Variants in SGCZ observed in about 807,000 individuals in gnomAD.
SGCZ encodes sarcoglycan zeta.
A neutral mutation model predicts 41.3 loss-of-function variants in SGCZ; 40 were observed. The observed-to-expected ratio is 0.97, with a 90% CI of 0.75 to 1.26. The LOEUF (loss-of-function observed/expected upper bound fraction) is 1.26, where lower values mean the gene tolerates loss of function less well. Among genes scored for constraint, SGCZ ranks in the 50% most tolerant of loss-of-function variants. SGCZ has a pLI of 0.00. For synonymous variants in SGCZ, 206 were observed against 137.5 expected (o/e 1.50, Z -3.49); for missense variants, 552 against 369.8 (o/e 1.49, Z -4.04).
chr8:14,325,743 CACACATATATATATATATATATAT>C (rs1444297121), intron 2 of SGCZ, among the ~76,000 whole-genome samples: 4 of 66,882 alleles, frequency 6.0e-5, no homozygotes, highest in African/African-American at 1.4e-4. Flanking sequence ...CACACACACA[CACACATATATATATATATATATAT>C]ATATATATAT....
intron 2 of SGCZ, among the ~76,000 whole-genome samples, chr8:14,530,119 G>A (rs535536965): frequency 2.0e-5 from 3 of 151,836 alleles, no homozygotes; most frequent in African/African-American, 7.2e-5. Flanking sequence ...ACAAAACCAT[G>A]CATTTGCGTA....
intron 3 of SGCZ, among the ~76,000 whole-genome samples, chr8:14,295,613 G>C (rs1041502477): frequency 3.3e-5 from 5 of 152,058 alleles, no homozygotes; most frequent in Non-Finnish European, 7.3e-5. Flanking sequence ...CTATAACTGA[G>C]GGTAATATAC....
intron 1 of SGCZ, among the ~76,000 whole-genome samples, chr8:15,029,485 A>G (rs927703531): frequency 3.9e-5 from 6 of 152,146 alleles, no homozygotes; most frequent in African/African-American, 1.2e-4. Flanking sequence ...ATCAGATCAA[A>G]GAAAGTTAGT....
intron 1 of SGCZ, among the ~76,000 whole-genome samples, chr8:15,062,350 T>C (rs951806372): frequency 6.6e-6 from 1 of 152,174 alleles, no homozygotes; most frequent in African/African-American, 2.4e-5. Flanking sequence ...TAATATCATA[T>C]ACTTTTTAAA....
intron 5 of SGCZ, among the ~76,000 whole-genome samples, chr8:14,147,148 T>C (rs1355410434): frequency 1.3e-5 from 2 of 151,810 alleles, no homozygotes; most frequent in Non-Finnish European, 2.9e-5. Context: ...AGAAACGAAG[T>C]CATATCACTG....
chr8:14,463,758 C>G (rs1475274109), intron 2 of SGCZ, among the ~76,000 whole-genome samples: 1 of 151,566 alleles, frequency 6.6e-6, no homozygotes, highest in Non-Finnish European at 1.5e-5. Flanking sequence ...TGCTGTTTTT[C>G]TAGACAGCTT....
intron 3 of SGCZ, among the ~76,000 whole-genome samples, chr8:14,312,978 C>CT (rs1361796152): frequency 2.6e-5 from 4 of 152,132 alleles, no homozygotes; most frequent in African/African-American, 9.7e-5. Context: ...ATTCCTTTCA[C>CT]TATTGTAGGA....
At chr8:14,857,748 C>G (rs1266260873) in intron 1 of SGCZ, among the ~76,000 whole-genome samples, 1 of 152,106 alleles carries the variant, frequency 6.6e-6, no homozygotes, top group Non-Finnish European at 1.5e-5. Context: ...TGCCTGTAAT[C>G]CCACCTACTT....
At chr8:14,196,296 T>C (rs1344353568) in intron 4 of SGCZ, among the ~76,000 whole-genome samples, 3 of 151,330 alleles carry the variant, frequency 2.0e-5, no homozygotes, top group Non-Finnish European at 2.9e-5. Context: ...GGAGTTTCGC[T>C]CTTGTTGCCC....
intron 1 of SGCZ, among the ~76,000 whole-genome samples, chr8:14,861,739 A>G (rs1803754198): frequency 1.3e-5 from 2 of 151,936 alleles, no homozygotes; most frequent in South Asian, 2.1e-4. Flanking sequence ...CCCACAAATT[A>G]TGTTCTTTAG....
In SGCZ at chr8:14,438,636, G is replaced by C. The variant is rs933904152; in HGVS notation, c.235-114432C>G. ...AATGGAAATTACTGTTGAATAATTTGGATAAATTTTGTATTAAAATGTAAA... is the reference window on the plus strand; with the variant it reads ...AATGGAAATTACTGTTGAATAATTTCGATAAATTTTGTATTAAAATGTAAA... On this transcript the variant is annotated intron_variant, in intron 2 of 7. Transcript: ENST00000382080. 4.6e-5 allele frequency among the ~76,000 whole-genome samples: 7 copies of C among 151,930 alleles called. 1 individual carries two copies. Among genetic ancestry groups the C allele is most frequent in the Admixed American group, 4.6e-4 (7 of 15,256 alleles).
At chr8:15,149,443 A>C (rs1384353638) in intron 1 of SGCZ, among the ~76,000 whole-genome samples, 1 of 152,140 alleles carries the variant, frequency 6.6e-6, no homozygotes, top group Non-Finnish European at 1.5e-5. Flanking sequence ...AGCAGTGGCA[A>C]GTTACTTGAA....
chr8:14,975,750 T>C (rs1157206592), intron 1 of SGCZ, among the ~76,000 whole-genome samples: 1 of 150,676 alleles, frequency 6.6e-6, no homozygotes, highest in Admixed American at 6.7e-5. Flanking sequence ...TTTTACCTTA[T>C]TGACAATATA....
chr8:14,774,676 G>A (rs1324603635), intron 1 of SGCZ, among the ~76,000 whole-genome samples: 1 of 152,168 alleles, frequency 6.6e-6, no homozygotes, highest in Non-Finnish European at 1.5e-5. Flanking sequence ...CCCTAGCTTT[G>A]ACTTTGCTCA....
intron 1 of SGCZ, among the ~76,000 whole-genome samples, chr8:15,059,502 T>C (rs1472297706): frequency 6.6e-6 from 1 of 152,208 alleles, no homozygotes; most frequent in Non-Finnish European, 1.5e-5. Context: ...CAATTAAAAA[T>C]TGCTTTAGAA....
chr8:15,124,014 C>A (rs1807584810), intron 1 of SGCZ, among the ~76,000 whole-genome samples: 1 of 152,108 alleles, frequency 6.6e-6, no homozygotes, highest in African/African-American at 2.4e-5. Flanking sequence ...GGCCTGGCAG[C>A]CTTGCTAGTA....
chr8:14,942,508 T>G (rs1009723394), intron 1 of SGCZ, among the ~76,000 whole-genome samples: 7 of 152,080 alleles, frequency 4.6e-5, no homozygotes, highest in Non-Finnish European at 8.8e-5. Flanking sequence ...ATCAAAAGAT[T>G]CCTTGGCATC....
intron 1 of SGCZ, among the ~76,000 whole-genome samples, chr8:15,140,819 T>C (rs1808292684): frequency 6.6e-6 from 1 of 152,208 alleles, no homozygotes; most frequent in Non-Finnish European, 1.5e-5. Flanking sequence ...CATTCATTTC[T>C]ATCTTCTCAT....
At chr8:14,831,354 T>G (rs1168422455) in intron 1 of SGCZ, among the ~76,000 whole-genome samples, 5 of 152,164 alleles carry the variant, frequency 3.3e-5, no homozygotes, top group Non-Finnish European at 5.9e-5. Flanking sequence ...TTCCCACACA[T>G]GCAGGCAATC....
Sources: allele counts gnomAD v4.1 joint callset (sites outside exome capture counted in the v4.1 genomes callset), GRCh38; gene constraint gnomAD v4.1.1; transcripts MANE v1.5; gene names NCBI Gene and HGNC (gene_info 2026-07-23, HGNC 2026-07-21).